The following TTN variants were observed in gnomAD, a reference collection of about 807,000 sequenced individuals.
TTN encodes the protein titin, also known as connectin.
TTN carries 1,525 observed loss-of-function variants against 3,223.0 expected under a neutral mutation model. The ratio of observed to expected loss-of-function variants is 0.47; its 90% CI spans 0.45 to 0.49. TTN has a LOEUF of 0.49. Ranked by LOEUF, TTN falls within the 20% of genes least tolerant of loss-of-function variation. The probability of loss-of-function intolerance (pLI) is 0.00; values close to 1 mark genes in which losing one functional copy is unlikely to be tolerated. For missense variants in TTN, 40,786 were observed against 43,424.0 expected, an observed-to-expected ratio of 0.94 and a Z score of 5.40; for synonymous variants, 14,094 against 15,161.0, an observed-to-expected ratio of 0.93 and a Z score of 5.17.
chr2:178,719,294 C>T lies in TTN; in HGVS notation c.24096G>A (p.Gln8032=), dbSNP rs2154299996. Residue 8032 remains glutamine, a synonymous_variant, in exon 83 of 363, where the codon CAG becomes CAA. Coordinates refer to ENST00000589042, the MANE Select transcript of TTN (RefSeq NM_001267550.2). ...GNEIVSGPKC[Q]SSFSENVCTL... is the part of the protein sequence containing the mutation. ...TACAGACGTTTTCCGAAAAGCTGGACTGACATTTGGGCCCACTAACAATCT... is the reference window on the plus strand; with the variant it reads ...TACAGACGTTTTCCGAAAAGCTGGATTGACATTTGGGCCCACTAACAATCT... The T allele has an allele frequency of 6.2e-7, 1 of 1,613,788 alleles. No homozygotes were observed.
At position 178,549,387 on chromosome 2, in the gene TTN, C is replaced by A. The variant is rs759160905; in HGVS notation, c.92239G>T (p.Gly30747Cys). Reference protein sequence around the residue: ...TLTWARPESDGGSEIQQYILE... With the variant: ...TLTWARPESDCGSEIQQYILE... Reference sequence around the variant, plus strand: ...ATATACTGTTGAATTTCACTGCCACCATCTGATTCTGGCCTTGCCCATGTC... The same window carrying A: ...ATATACTGTTGAATTTCACTGCCACAATCTGATTCTGGCCTTGCCCATGTC... The change falls in exon 339 of 363, where the codon GGT becomes TGT. Residue 30747 changes from glycine (G) to cysteine (C), a missense_variant. Coordinates refer to ENST00000589042, the MANE Select transcript of TTN (RefSeq NM_001267550.2). 9 of 1,613,818 alleles carry A rather than the reference C, an allele frequency of 5.6e-6. No homozygotes were observed. Among genetic ancestry groups the A allele is most frequent in the Non-Finnish European group, 7.6e-6 (9 of 1,179,792 alleles).
intron 47 of TTN, among the ~76,000 whole-genome samples, chr2:178,744,187 C>G (rs1038431376): frequency 6.6e-6 from 1 of 151,792 alleles, no homozygotes; most frequent in Non-Finnish European, 1.5e-5. Context: ...TTGCTAAATG[C>G]AGGTGACAAA....
chr2:178,714,975 G>A lies in TTN; in HGVS notation c.26200+11C>T, dbSNP rs1483041272. On this transcript the variant is annotated intron_variant, in intron 90 of 362. Coordinates refer to ENST00000589042, the MANE Select transcript of TTN (RefSeq NM_001267550.2). Reference sequence around the variant, plus strand: ...GAAGTAGTGAGCAGAAGTGAATGCAGTCCATCTAACCTTTGAGAGCGATGG... The same window carrying A: ...GAAGTAGTGAGCAGAAGTGAATGCAATCCATCTAACCTTTGAGAGCGATGG... 1.3e-6 allele frequency: 2 copies of A among 1,596,090 alleles called. No individual in the cohort carries two copies. The highest frequency in any genetic ancestry group is 1.7e-6 in the Non-Finnish European group (2 of 1,170,458).
chr2:178,772,850 G>A (rs1464560519), intron 33 of TTN: 2 of 502,310 alleles, frequency 4.0e-6, no homozygotes, highest in African/African-American at 3.8e-5. Flanking sequence ...GTGATCCTGG[G>A]GTTGGATGAG....
rs727504491 is a variant in TTN at position 178,531,053 on chromosome 2, T to G, written c.105562A>C (p.Ile35188Leu). 2.5e-5 allele frequency: 41 copies of G among 1,613,996 alleles called. No homozygotes were observed. The Middle Eastern group carries it at 1.6e-3, about 65-fold the overall frequency. ...TCATCGGAAGCCTGGACTGAAGAGATCTCAAAGGTTGATTTGTACTTTGTG... is the reference window on the plus strand; with the variant it reads ...TCATCGGAAGCCTGGACTGAAGAGAGCTCAAAGGTTGATTTGTACTTTGTG... ...TTTKYKSTFE[I>L]SSVQASDEGN... Residue 35188 changes from isoleucine (I) to leucine (L), a missense_variant, in exon 358 of 363, where the codon ATC (isoleucine) becomes CTC (leucine). Physicochemically the swap from Ile to Leu is conservative, Grantham distance 5. Coordinates refer to ENST00000589042, the MANE Select transcript of TTN (RefSeq NM_001267550.2).
intron 29 of TTN, 199 bp from the exon 30 acceptor site, chr2:178,774,672 A>G: frequency 2.9e-6 from 2 of 693,800 alleles, no homozygotes; most frequent in Non-Finnish European, 4.6e-6. Flanking sequence ...TATTTTTGAA[A>G]GTAAAGAATT....
At chr2:178,805,160 T>C (rs908743481) in intron 1 of TTN, among the ~76,000 whole-genome samples, 2 of 151,688 alleles carry the variant, frequency 1.3e-5, no homozygotes, top group Non-Finnish European at 1.5e-5. Flanking sequence ...TTGGCTAACA[T>C]GGTGAAACCC....
At chr2:178,749,622 C>A in intron 47 of TTN, 1 of 1,612,098 alleles carries the variant, frequency 6.2e-7, no homozygotes, top group Non-Finnish European at 8.5e-7. Flanking sequence ...CCAATATTTT[C>A]GAATTGACTA....
chr2:178,699,383 CTTTTTTTTTTTTTTTTTTTTTTTTTTTT>C (rs59989386), intron 111 of TTN, among the ~76,000 whole-genome samples: 49 of 44,906 alleles, frequency 1.1e-3, no homozygotes, highest in African/African-American at 2.1e-3. Context: ...AAATAACACT[CTTTTTTTTTTTTTTTTTTTTTTTTTTTT>C]TTTTTTTTTT....
Position 178,549,665 on chromosome 2 carries a change from T to A in TTN, c.92057A>T (p.Asn30686Ile). 1 of 1,613,814 alleles carries A rather than the reference T, an allele frequency of 6.2e-7. No individual in the cohort carries two copies. The highest frequency in any genetic ancestry group is 8.5e-7 in the Non-Finnish European group (1 of 1,179,782). Residue 30686 changes from asparagine (N) to isoleucine (I), a missense_variant, in exon 338 of 363, where the codon AAC becomes ATC. Asn to Ile is a moderately radical substitution (Grantham distance 149, BLOSUM62 -3). Transcript: ENST00000589042. ...AACACGGAATTGGTATTCATTGCCG[T>A]TTATTAGTTTAATGGCAGTGTAACT... The part of the protein sequence containing the change: ...AQSYTAIKLI[N>I]GNEYQFRVSA...
chr2:178,561,421 A>G lies in TTN; in HGVS notation c.84711T>C (p.Ile28237=). 6.2e-7 allele frequency: 1 copy of G among 1,613,824 alleles called. No homozygotes were observed. Among genetic ancestry groups the G allele is most frequent in the Non-Finnish European group, 8.5e-7 (1 of 1,179,792 alleles). The part of the protein sequence containing the change: ...YRVYAENIAG[I]GKCSKSCEPV... ...GTTCACAAGATTTACTGCATTTACC[A>G]ATTCCAGCAATATTTTCAGCATATA... The change falls in exon 326 of 363, where the codon ATT becomes ATC. Residue 28237 remains isoleucine (I), a synonymous_variant. Coordinates refer to ENST00000589042, the MANE Select transcript of TTN (RefSeq NM_001267550.2).
chr2:178,610,055 G>C, intron 271 of TTN, 35 bp downstream of exon 271: 2 of 1,611,976 alleles, frequency 1.2e-6, no homozygotes, highest in Non-Finnish European at 1.7e-6. Flanking sequence ...TGGTTTATTA[G>C]TTCTTAGCCA....
At chr2:178,723,805 C>A (rs1050709613) in intron 73 of TTN, 51 bp downstream of exon 73, 20 of 1,555,870 alleles carry the variant, frequency 1.3e-5, no homozygotes, top group Middle Eastern at 3.5e-4. Context: ...TAGATGTGCA[C>A]CTGAAGAGGA....
In TTN at chr2:178,571,919, G is replaced by A; in HGVS notation, c.74213C>T (p.Pro24738Leu). ...AGCTGGGGTAGGGCGGCCAATGAAT[G>A]GAACATCAACTTTTAGGTCTTCACC... ...LAGEDLKVDV[P>L]FIGRPTPAVT... The change falls in exon 326 of 363, where the codon CCA (proline) becomes CTA (leucine). Residue 24738 changes from proline (P) to leucine (L), a missense_variant. Transcript: ENST00000589042. 6.2e-7 allele frequency: 1 copy of A among 1,613,260 alleles called. No individual in the cohort carries two copies. The highest frequency in any genetic ancestry group is 8.5e-7 in the Non-Finnish European group (1 of 1,179,528).
intron 2 of TTN, among the ~76,000 whole-genome samples, chr2:178,803,002 T>C (rs1012474366): frequency 1.1e-4 from 17 of 152,242 alleles, no homozygotes; most frequent in African/African-American, 4.1e-4. Flanking sequence ...TTATCTGCCA[T>C]AAATTGTAGA....
At position 178,622,686 on chromosome 2, in the gene TTN, G is replaced by C. The variant is rs1022414957; in HGVS notation, c.44897C>G (p.Ser14966Cys). 1 of 1,606,050 alleles carries C rather than the reference G, an allele frequency of 6.2e-7. No homozygotes were observed. Among genetic ancestry groups the C allele is most frequent in the Non-Finnish European group, 8.5e-7 (1 of 1,176,184 alleles). ...GTCACAGACCTTAGCATTTTCTCGG[G>C]AAAGTTCACACTCAAATCGAGCCAT... ...KEMARFECELSRENAKVKWFK... is the reference protein window; with the variant it reads ...KEMARFECELCRENAKVKWFK... The change falls in exon 243 of 363, where the codon TCC becomes TGC. Residue 14966 changes from serine to cysteine, a missense_variant. Ser to Cys is a moderately radical substitution (Grantham distance 112). Coordinates refer to ENST00000589042, the MANE Select transcript of TTN (RefSeq NM_001267550.2).
At position 178,596,434 on chromosome 2, in the gene TTN, C is replaced by T. The variant is rs78765339; in HGVS notation, c.57545-625G>A. Among the ~76,000 whole-genome samples, 703 of 152,048 alleles carry T rather than the reference C, an allele frequency of 4.6e-3. 5 individuals are homozygous for T. The highest frequency in any genetic ancestry group is 6.8e-3 in the Middle Eastern group (2 of 294). ...TGGGAGGCAAGCATGCAGAGGGATA[C>T]AAGAGATGGGTAAGAGTGGCATAGT... On this transcript the variant is annotated intron_variant, in intron 294 of 362. Coordinates refer to ENST00000589042, the MANE Select transcript of TTN (RefSeq NM_001267550.2).
Position 178,571,999 on chromosome 2 carries a change from A to C in TTN, c.74133T>G (p.Asp24711Glu), listed in dbSNP as rs1708361319. 3 of 1,613,226 alleles carry C rather than the reference A, an allele frequency of 1.9e-6. No individual in the cohort carries two copies. Among genetic ancestry groups the C allele is most frequent in the Non-Finnish European group, 2.5e-6 (3 of 1,179,568 alleles). ...RQLSVPVIAK[D>E]LVIPPAFKLL... is the part of the protein sequence containing the mutation. ...GTTTGAAGGCTGGTGGAATGACAAGATCTTTGGCGATCACTGGCACACTCA... is the reference window on the plus strand; with the variant it reads ...GTTTGAAGGCTGGTGGAATGACAAGCTCTTTGGCGATCACTGGCACACTCA... Residue 24711 changes from aspartate (D) to glutamate (E), a missense_variant, in exon 326 of 363, where the codon GAT becomes GAG. Coordinates refer to ENST00000589042, the MANE Select transcript of TTN (RefSeq NM_001267550.2).
rs958378883 is a variant in TTN at position 178,564,370 on chromosome 2, A to C, written c.81762T>G (p.Phe27254Leu). 15 of 1,613,702 alleles carry C rather than the reference A, an allele frequency of 9.3e-6. No homozygotes were observed. Among genetic ancestry groups the C allele is most frequent in the South Asian group, 4.4e-5 (4 of 91,086 alleles). ...CACCACTACTATCAGATGGTTCACT[A>C]AAGTTTCCAGCTGCATTTCTTGCAA... ...RVIARNAAGN[F>L]SEPSDSSGAI... The change falls in exon 326 of 363, where the codon TTT becomes TTG. Residue 27254 changes from phenylalanine to leucine, a missense_variant. Transcript: ENST00000589042.
Sources: allele counts gnomAD v4.1 joint callset (sites outside exome capture counted in the v4.1 genomes callset), GRCh38; gene constraint gnomAD v4.1.1; transcripts MANE v1.5; gene names NCBI Gene and HGNC (gene_info 2026-07-23, HGNC 2026-07-21).